CCDC47: variants seen among roughly 807,000 people sequenced by gnomAD.
The protein encoded by CCDC47 is PAT complex subunit CCDC47.
CCDC47 carries 41 observed loss-of-function variants against 60.5 expected under a neutral mutation model. The ratio of observed to expected loss-of-function variants is 0.68; its 90% CI spans 0.53 to 0.88. The LOEUF is 0.88. Ranked by LOEUF, CCDC47 falls within the 40% of genes least tolerant of loss-of-function variation. The pLI, the probability that CCDC47 is intolerant of heterozygous loss-of-function variation, is 0.00. For synonymous variants in CCDC47, 195 were observed against 190.7 expected, an observed-to-expected ratio of 1.02 and a Z score of -0.18; for missense variants, 513 against 580.9, an observed-to-expected ratio of 0.88 and a Z score of 1.20.
chr17:63,747,541 G>A (rs2039130008), intron 12 of CCDC47: 1 of 983,696 alleles, frequency 1.0e-6, no homozygotes, highest in Non-Finnish European at 1.2e-6. Flanking sequence ...TTACATAGAA[G>A]AGTAAGAAGG....
intron 10 of CCDC47, 79 bp downstream of exon 10, chr17:63,752,662 T>C (rs1002342150): frequency 4.9e-6 from 7 of 1,421,398 alleles, no homozygotes; most frequent in African/African-American, 1.5e-5. Flanking sequence ...TTTAAAGCTA[T>C]CATTTAGGAG....
At chr17:63,752,684 CTCCTT>C in intron 10 of CCDC47, 52 bp downstream of exon 10, 1 of 1,520,630 alleles carries the variant, frequency 6.6e-7, no homozygotes, top group Non-Finnish European at 8.9e-7. Flanking sequence ...AAACAATACT[CTCCTT>C]AAGGTCATCT....
At chr17:63,754,745 T>G (rs974495969) in intron 8 of CCDC47, among the ~76,000 whole-genome samples, 2 of 151,836 alleles carry the variant, frequency 1.3e-5, no homozygotes, top group African/African-American at 2.4e-5. Flanking sequence ...TAGCCGGGCA[T>G]GGTGGCATGT....
intron 4 of CCDC47, among the ~76,000 whole-genome samples, chr17:63,762,892 C>T (rs2039270916): frequency 6.6e-6 from 1 of 152,166 alleles, no homozygotes. Context: ...TTACTGCTGA[C>T]TCATGAAAGA....
At chr17:63,762,268 TAGA>T (rs2039266901) in intron 4 of CCDC47, 8 of 984,650 alleles carry the variant, frequency 8.1e-6, no homozygotes, top group Middle Eastern at 5.2e-4. Flanking sequence ...CAAGGGGAAG[TAGA>T]AGGAGCCAAA....
At chr17:63,762,351 C>CG in intron 4 of CCDC47, 1 of 569,786 alleles carries the variant, frequency 1.8e-6, no homozygotes, top group Non-Finnish European at 2.2e-6. Context: ...ATAGTGGAGA[C>CG]GGGGTGGACT....
At chr17:63,762,312 G>C in intron 4 of CCDC47, 1 of 876,414 alleles carries the variant, frequency 1.1e-6, no homozygotes, top group Non-Finnish European at 1.4e-6. Flanking sequence ...CGAATTTCCT[G>C]GTCAAAACAT....
chr17:63,761,373 G>T lies in CCDC47; in HGVS notation c.548-22C>A, dbSNP rs548212853. ...TCCCCTAGGGGTAAAACCACTTAAT[G>T]TGACTCAACAGAAAATGTCAAGGCC... On this transcript the variant is annotated intron_variant, in intron 4 of 12. Coordinates refer to ENST00000225726, the MANE Select transcript of CCDC47 (RefSeq NM_020198.3). 1.4e-4 allele frequency: 233 copies of T among 1,613,326 alleles called. 2 individuals carry two copies. The South Asian group carries it at 2.5e-3, about 17-fold the overall frequency.
intron 12 of CCDC47, chr17:63,747,619 G>T: frequency 4.1e-6 from 4 of 984,920 alleles, no homozygotes; most frequent in Non-Finnish European, 4.8e-6. Flanking sequence ...TTCACTGTTG[G>T]CCACTAGTGG....
chr17:63,760,886 A>G (rs1340289666), intron 6 of CCDC47, 28 bp downstream of exon 6: 1 of 1,511,660 alleles, frequency 6.6e-7, no homozygotes, highest in African/African-American at 1.4e-5. Flanking sequence ...CAGTCTGTAC[A>G]CAGAAAACCA....
chr17:63,757,463 C>T (rs1408103541), intron 6 of CCDC47, among the ~76,000 whole-genome samples: 1 of 151,886 alleles, frequency 6.6e-6, no homozygotes, highest in Admixed American at 6.6e-5. Context: ...ATTAAGAGGA[C>T]CCTAAGCTTC....
At chr17:63,761,455 G>A in intron 4 of CCDC47, 104 bp from the exon 5 acceptor site, 1 of 1,269,770 alleles carries the variant, frequency 7.9e-7, no homozygotes, top group East Asian at 2.4e-5. Context: ...GCTGAGGTGG[G>A]TGGATCACGA....
intron 9 of CCDC47, 108 bp from the exon 10 acceptor site, chr17:63,752,907 C>CAGTA: frequency 2.1e-6 from 3 of 1,434,866 alleles, no homozygotes. Flanking sequence ...ATAATCAGCA[C>CAGTA]AGTATTTGGC....
intron 12 of CCDC47, 179 bp downstream of exon 12, chr17:63,751,761 C>T (rs990047951): frequency 1.1e-4 from 74 of 692,910 alleles, no homozygotes; most frequent in Non-Finnish European, 1.7e-4. Flanking sequence ...CTCAGTGTGG[C>T]ACGGCTTGAA....
intron 1 of CCDC47, among the ~76,000 whole-genome samples, chr17:63,771,098 G>A (rs1263400749): frequency 6.6e-6 from 1 of 151,434 alleles, no homozygotes; most frequent in Non-Finnish European, 1.5e-5. Flanking sequence ...CATAAAATTT[G>A]AAAGGTACAA....
At chr17:63,762,176 C>A in intron 4 of CCDC47, 1 of 984,818 alleles carries the variant, frequency 1.0e-6, no homozygotes, top group Non-Finnish European at 1.2e-6. Context: ...TACTTTCTCT[C>A]TTCATTTAAT....
At chr17:63,769,544 T>C (rs1598312812) in intron 1 of CCDC47, among the ~76,000 whole-genome samples, 1 of 139,186 alleles carries the variant, frequency 7.2e-6, no homozygotes, top group South Asian at 2.2e-4. Context: ...AATCAGGAGG[T>C]GGAGGTTGCA....
intron 1 of CCDC47, among the ~76,000 whole-genome samples, chr17:63,770,089 T>A (rs2039326465): frequency 6.6e-6 from 1 of 151,246 alleles, no homozygotes; most frequent in South Asian, 2.1e-4. Flanking sequence ...GCCTCCTGAG[T>A]AGCTGGGTTA....
intron 1 of CCDC47, among the ~76,000 whole-genome samples, chr17:63,771,045 G>GAAGGAAGAAAGAAAGAAAGAAAGA (rs759971442): frequency 2.1e-3 from 208 of 97,810 alleles, no homozygotes; most frequent in African/African-American, 7.7e-3. Context: ...AGGAAGGAAG[G>GAAGGAAGAAAGAAAGAAAGAAAGA]AAGAAAGAAA....
Sources: allele counts gnomAD v4.1 joint callset (sites outside exome capture counted in the v4.1 genomes callset), GRCh38; gene constraint gnomAD v4.1.1; transcripts MANE v1.5; gene names NCBI Gene and HGNC (gene_info 2026-07-23, HGNC 2026-07-21).